Variants in PGCKA1 observed in about 807,000 individuals in gnomAD.
The protein encoded by PGCKA1 is PDCD10 and GCKIII kinases associated 1.
the PGCKA1 span, among the ~76,000 whole-genome samples, chr4:37,533,822 C>G: frequency 1.6e-4 from 24 of 152,276 alleles, no homozygotes; most frequent in African/African-American, 5.8e-4. Context: ...CTTTGTTTCC[C>G]TTAGGGAAGT....
At chr4:37,554,828 A>G in the PGCKA1 span, among the ~76,000 whole-genome samples, 1 of 152,218 alleles carries the variant, frequency 6.6e-6, no homozygotes, top group Non-Finnish European at 1.5e-5. Context: ...ATTGGCATTA[A>G]AGAATAATGA....
At chr4:37,489,290 T>C in the PGCKA1 span, among the ~76,000 whole-genome samples, 8 of 152,124 alleles carry the variant, frequency 5.3e-5, no homozygotes, top group South Asian at 1.2e-3. Flanking sequence ...TATAAGAAAT[T>C]CTATAATTTT....
the PGCKA1 span, among the ~76,000 whole-genome samples, chr4:37,510,279 T>A: frequency 6.6e-6 from 1 of 152,214 alleles, no homozygotes; most frequent in Non-Finnish European, 1.5e-5. Flanking sequence ...GGAAGTTCAT[T>A]GGTGTCTGGA....
the PGCKA1 span, among the ~76,000 whole-genome samples, chr4:37,544,515 T>TA: frequency 6.6e-6 from 1 of 151,774 alleles, no homozygotes; most frequent in Non-Finnish European, 1.5e-5. Context: ...AATTTTTTTT[T>TA]ATCTTTTTTA....
chr4:37,560,468 A>G, the PGCKA1 span, among the ~76,000 whole-genome samples: 2 of 152,162 alleles, frequency 1.3e-5, no homozygotes, highest in Non-Finnish European at 2.9e-5. Context: ...TGGGAGAGGG[A>G]AAGAATGCCA....
the PGCKA1 span, among the ~76,000 whole-genome samples, chr4:37,556,335 T>C: frequency 6.6e-6 from 1 of 152,134 alleles, no homozygotes; most frequent in African/African-American, 2.4e-5. Context: ...TGGCACCATC[T>C]CGGCTCACTG....
At chr4:37,479,933 A>C in the PGCKA1 span, among the ~76,000 whole-genome samples, 1 of 152,220 alleles carries the variant, frequency 6.6e-6, no homozygotes, top group Admixed American at 6.5e-5. Context: ...ACTAAGCAAG[A>C]GACATAGGCA....
At chr4:37,474,950 ATT>A in the PGCKA1 span, among the ~76,000 whole-genome samples, 6 of 152,256 alleles carry the variant, frequency 3.9e-5, no homozygotes, top group East Asian at 1.2e-3. Context: ...AAATTAGTAG[ATT>A]TTTTTCATTT....
At chr4:37,476,182 G>GT in the PGCKA1 span, among the ~76,000 whole-genome samples, 1 of 152,066 alleles carries the variant, frequency 6.6e-6, no homozygotes, top group South Asian at 2.1e-4. Context: ...TCTTGCAAGT[G>GT]TAAGGACCAA....
chr4:37,552,553 T>A, the PGCKA1 span, among the ~76,000 whole-genome samples: 1 of 152,162 alleles, frequency 6.6e-6, no homozygotes. Flanking sequence ...AATAAACATA[T>A]AAACCAATGT....
At chr4:37,484,846 C>A in the PGCKA1 span, among the ~76,000 whole-genome samples, 1 of 152,210 alleles carries the variant, frequency 6.6e-6, no homozygotes, top group East Asian at 1.9e-4. Context: ...TGATCTTGGA[C>A]TTCCCAACCT....
the PGCKA1 span, among the ~76,000 whole-genome samples, chr4:37,522,586 A>G: frequency 6.6e-6 from 1 of 151,948 alleles, no homozygotes; most frequent in East Asian, 1.9e-4. Flanking sequence ...TGGCCATGCT[A>G]GTACCTGAAG....
At chr4:37,479,795 AAAGATCTTTAAAAACAAG>A in the PGCKA1 span, among the ~76,000 whole-genome samples, 1 of 152,204 alleles carries the variant, frequency 6.6e-6, no homozygotes, top group African/African-American at 2.4e-5. Flanking sequence ...GAATCTACTG[AAAGATCTTTAAAAACAAG>A]AAGCTGTTAT....
chr4:37,479,726 CAAGATGAGAGCTTGAAGG>C, the PGCKA1 span, among the ~76,000 whole-genome samples: 1 of 152,106 alleles, frequency 6.6e-6, no homozygotes, highest in African/African-American at 2.4e-5. Flanking sequence ...GAAGATAGTT[CAAGATGAGAGCTTGAAGG>C]AATGGGTAGA....
the PGCKA1 span, among the ~76,000 whole-genome samples, chr4:37,509,593 T>C: frequency 6.6e-6 from 1 of 151,622 alleles, no homozygotes; most frequent in Non-Finnish European, 1.5e-5. Context: ...TCTCGGCACT[T>C]TGGGAGGCCA....
At chr4:37,455,662 C>A in the PGCKA1 span, among the ~76,000 whole-genome samples, 30,278 of 152,072 alleles carry the variant, frequency 0.2, 3,124 homozygotes, top group African/African-American at 0.22. Context: ...GAAGACAAAA[C>A]CTTGCATACC....
chr4:37,510,299 G>A, the PGCKA1 span, among the ~76,000 whole-genome samples: 9,909 of 152,022 alleles, frequency 0.065, 503 homozygotes, highest in South Asian at 0.16. Flanking sequence ...ACATGGAAGG[G>A]TTAAGTATTT....
the PGCKA1 span, among the ~76,000 whole-genome samples, chr4:37,467,476 A>C: frequency 9.2e-5 from 14 of 152,168 alleles, no homozygotes; most frequent in Non-Finnish European, 2.9e-5. Context: ...CTCTGTCCTA[A>C]AATGATTGCT....
At chr4:37,509,691 G>A in the PGCKA1 span, among the ~76,000 whole-genome samples, 4 of 151,500 alleles carry the variant, frequency 2.6e-5, no homozygotes, top group Middle Eastern at 3.4e-3. Flanking sequence ...CTGAGTGAAC[G>A]AGACTCCATC....
Sources: allele counts gnomAD v4.1 joint callset (sites outside exome capture counted in the v4.1 genomes callset), GRCh38; gene constraint gnomAD v4.1.1; transcripts MANE v1.5; gene names NCBI Gene and HGNC (gene_info 2026-07-23, HGNC 2026-07-21).